SH2B1: variants seen among roughly 807,000 people sequenced by gnomAD.
The protein encoded by SH2B1 is SH2B adaptor protein 1.
SH2B1 carries 15 observed loss-of-function variants against 62.6 expected under a neutral mutation model. The ratio of observed to expected loss-of-function variants is 0.24; its 90% confidence interval spans 0.16 to 0.37. SH2B1 has a LOEUF of 0.37. Ranked by LOEUF, SH2B1 falls within the 10% of genes least tolerant of loss-of-function variation. SH2B1 has a pLI of 1.00. For missense variants in SH2B1, 925 were observed against 1,015.6 expected (o/e 0.91, Z 1.21); for synonymous variants, 443 against 438.0 (o/e 1.01, Z -0.14).
intron 1 of SH2B1, among the ~76,000 whole-genome samples, chr16:28,854,968 T>C (rs1962286936): frequency 2.0e-5 from 3 of 151,948 alleles, no homozygotes; most frequent in Admixed American, 2.0e-4. Flanking sequence ...CTCCATCTCC[T>C]GGGTTCAAGC....
chr16:28,855,237 T>G (rs144917016), intron 1 of SH2B1, among the ~76,000 whole-genome samples: 54 of 151,600 alleles, frequency 3.6e-4, no homozygotes, highest in African/African-American at 1.1e-3. Context: ...TTTTAATTGT[T>G]GAGACAGAAT....
Position 28,864,021 on chromosome 16 carries a change from T to G in SH2B1, c.-2074T>G. On this transcript the variant is annotated 5_prime_UTR_variant, in exon 1 of 8. Coordinates refer to ENST00000684370, the MANE Select transcript of SH2B1 (RefSeq NM_001387430.1). Reference sequence around the variant, plus strand: ...GACCCGGCCCTGGCGCCCGAGAGGATTCCTGGGTGGGGGTGGGCGTGGAGG... The same window carrying G: ...GACCCGGCCCTGGCGCCCGAGAGGAGTCCTGGGTGGGGGTGGGCGTGGAGG... The G allele has an allele frequency of 7.2e-7, 1 of 1,392,268 alleles. No individual in the cohort carries two copies. The highest frequency in any genetic ancestry group is 9.3e-7 in the Non-Finnish European group (1 of 1,073,750). The allele number at this position is 1,392,268 out of a possible 1,614,324, so 86.2% of individuals were successfully genotyped here. A position where few individuals can be genotyped will look rare whatever the true frequency, so the allele number is the denominator to read the frequency against.
At position 28,865,379 on chromosome 16, in the gene SH2B1, A is replaced by T. The variant is rs1010119596; in HGVS notation, c.-716A>T. Reference sequence around the variant, plus strand: ...ATCATGCATCCATCCTCATTAATGAATCGGCCCCCTCCAAAGAGTTGGACC... The same window carrying T: ...ATCATGCATCCATCCTCATTAATGATTCGGCCCCCTCCAAAGAGTTGGACC... On this transcript the variant is annotated 5_prime_UTR_variant, in exon 1 of 8. Transcript: ENST00000684370. 1.0e-6 allele frequency: 1 copy of T among 985,568 alleles called. No homozygotes were observed. The highest frequency in any genetic ancestry group is 1.2e-6 in the Non-Finnish European group (1 of 830,020). 61.1% of individuals were successfully genotyped at this position (985,568 alleles called of 1,614,324 possible).
At chr16:28,856,468 C>T (rs1962326438) in intron 1 of SH2B1, among the ~76,000 whole-genome samples, 1 of 152,094 alleles carries the variant, frequency 6.6e-6, no homozygotes, top group African/African-American at 2.4e-5. Context: ...ACTGTACCTT[C>T]TTGGCCCTCA....
intron 1 of SH2B1, among the ~76,000 whole-genome samples, chr16:28,855,651 T>TTTATTTATTTA (rs1197951596): frequency 1.8e-3 from 191 of 107,154 alleles, no homozygotes; most frequent in African/African-American, 6.0e-3. Context: ...TTATTTATTT[T>TTTATTTATTTA]TTTTTTGAGA....
Position 28,872,975 on chromosome 16 carries a change from A to G in SH2B1, c.1897+270A>G. The G allele has an allele frequency of 1.6e-6, 1 of 637,366 alleles. No individual in the cohort carries two copies. Among genetic ancestry groups the G allele is most frequent in the South Asian group, 1.9e-5 (1 of 51,918 alleles). 39.5% of individuals were successfully genotyped at this position (637,366 alleles called of 1,614,324 possible). On this transcript the variant is annotated intron_variant, in intron 7 of 7. Coordinates refer to ENST00000684370, the MANE Select transcript of SH2B1 (RefSeq NM_001387430.1). The surrounding 1 kb of genome is among the most constrained non-coding windows in gnomAD (Gnocchi z 5.3). ...CCCATTCCATCGGATCCTCTGTTCCATTGTCTGTCTGTCTCCTGGACCCAT... is the reference window on the plus strand; with the variant it reads ...CCCATTCCATCGGATCCTCTGTTCCGTTGTCTGTCTGTCTCCTGGACCCAT...
In SH2B1 at chr16:28,865,394, A is replaced by C. The variant is rs1567465932; in HGVS notation, c.-701A>C. 9.1e-6 allele frequency: 9 copies of C among 985,446 alleles called. No individual in the cohort carries two copies. The highest frequency in any genetic ancestry group is 1.1e-5 in the Non-Finnish European group (9 of 829,978). The allele number at this position is 985,446 out of a possible 1,614,324, so 61.0% of individuals were successfully genotyped here. On this transcript the variant is annotated 5_prime_UTR_variant, in exon 1 of 8. Coordinates refer to ENST00000684370, the MANE Select transcript of SH2B1 (RefSeq NM_001387430.1). ...TCATTAATGAATCGGCCCCCTCCAA[A>C]GAGTTGGACCCTAAGATGCGTGAGG... is the stretch of plus-strand genomic sequence containing the variant.
At position 28,872,374 on chromosome 16, in the gene SH2B1, C is replaced by T. The variant is rs1417513073; in HGVS notation, c.1698C>T (p.Leu566=). The T allele has an allele frequency of 3.7e-6, 6 of 1,609,732 alleles. No homozygotes were observed. Among genetic ancestry groups the T allele is most frequent in the East Asian group, 4.5e-5 (2 of 44,828 alleles). The change falls in exon 6 of 8, where the codon CTC becomes CTT. Residue 566 remains leucine, a synonymous_variant. Transcript: ENST00000684370. The surrounding 1 kb of genome is among the most constrained non-coding windows in gnomAD (Gnocchi z 5.3). ...QSETRRGEYV[L]TFNFQGKAKH... is the part of the protein sequence containing the mutation. ...AGACAAGGCGGGGTGAATACGTCCT[C>T]ACCTTCAACTTCCAGGGCAAGGCCA...
upstream of SH2B1, chr16:28,863,799 T>C: frequency 6.5e-7 from 1 of 1,535,326 alleles, no homozygotes; most frequent in South Asian, 1.2e-5. Flanking sequence ...TTCTCTATGG[T>C]CTCTTCCTTC....
chr16:28,872,842 G>C lies in SH2B1; in HGVS notation c.1897+137G>C, dbSNP rs1325041473. 1 of 1,170,432 alleles carries C rather than the reference G, an allele frequency of 8.5e-7. No individual in the cohort carries two copies. The highest frequency in any genetic ancestry group is 1.5e-5 in the African/African-American group (1 of 65,722). The allele number at this position is 1,170,432 out of a possible 1,614,324, so 72.5% of individuals were successfully genotyped here. A position where few individuals can be genotyped will look rare whatever the true frequency, so the allele number is the denominator to read the frequency against. Reference sequence around the variant, plus strand: ...TTGGGAGAGCAGGGTAGAGGAGGCTGTTGTGCCTCGGGGTTTGGAAGGGAA... The same window carrying C: ...TTGGGAGAGCAGGGTAGAGGAGGCTCTTGTGCCTCGGGGTTTGGAAGGGAA... On this transcript the variant is annotated intron_variant, in intron 7 of 7. Transcript: ENST00000684370. The surrounding 1 kb of genome is among the most constrained non-coding windows in gnomAD (Gnocchi z 5.3).
chr16:28,863,468 G>A, upstream of SH2B1: 1 of 534,722 alleles, frequency 1.9e-6, no homozygotes, highest in Non-Finnish European at 3.3e-6. Context: ...CTAGGCTGCA[G>A]CGGGCCGTTC....
At chr16:28,863,831 G>C (rs2152169902), upstream of SH2B1, 4 of 1,533,992 alleles carry the variant, frequency 2.6e-6, no homozygotes, top group Non-Finnish European at 3.5e-6. Flanking sequence ...AGGGGGTCCT[G>C]ACGCCTGCGC....
rs1962607196 is a variant in SH2B1, at chr16:28,864,996, A to G, written c.-1099A>G. On this transcript the variant is annotated 5_prime_UTR_variant, in exon 1 of 8. It adds an upstream start codon to the 5' untranslated region. Transcript: ENST00000684370. Reference sequence around the variant, plus strand: ...AGAGGACGTGGAATTTGTTCAAGATAACATCGCTCATAAGGTGGCTGGACT... The same window carrying G: ...AGAGGACGTGGAATTTGTTCAAGATGACATCGCTCATAAGGTGGCTGGACT... 3.0e-6 allele frequency: 2 copies of G among 673,992 alleles called. No homozygotes were observed. The highest frequency in any genetic ancestry group is 3.7e-6 in the Non-Finnish European group (2 of 545,858). The allele number at this position is 673,992 out of a possible 1,614,324, so 41.8% of individuals were successfully genotyped here. A position where few individuals can be genotyped will look rare whatever the true frequency, so the allele number is the denominator to read the frequency against.
chr16:28,872,607 T>C lies in SH2B1; in HGVS notation c.1799T>C (p.Met600Thr). The C allele has an allele frequency of 6.2e-7, 1 of 1,614,152 alleles. No homozygotes were observed. The highest frequency in any genetic ancestry group is 8.5e-7 in the Non-Finnish European group (1 of 1,180,014). ...QHLWFQSIFD[M>T]LEHFRVHPIP... ...CTGTGGTTCCAGTCCATTTTCGATATGCTCGAGCACTTCCGGGTGCACCCC... is the reference window on the plus strand; with the variant it reads ...CTGTGGTTCCAGTCCATTTTCGATACGCTCGAGCACTTCCGGGTGCACCCC... Residue 600 changes from methionine to threonine, a missense_variant, in exon 7 of 8, where the codon ATG becomes ACG. Met to Thr is a moderately conservative substitution (Grantham distance 81, BLOSUM62 -1). Around this residue, in one of 3 missense-constraint regions of SH2B1, gnomAD observed 57 missense variants for 122.1 expected, o/e 0.47. Transcript: ENST00000684370. This position sits in a 1 kb window ranked among gnomAD's most constrained non-coding sequence, Gnocchi z 5.3.
At chr16:28,863,670 G>A, upstream of SH2B1, 1 of 1,534,828 alleles carries the variant, frequency 6.5e-7, no homozygotes, top group South Asian at 1.2e-5. Flanking sequence ...GCTTTTAGGT[G>A]CAACTGGAGA....
rs757127519 is a variant in SH2B1 at position 28,867,420 on chromosome 16, G to A, written c.1029G>A (p.Thr343=). Residue 343 remains threonine, a synonymous_variant, in exon 2 of 8, where the codon ACG becomes ACA. Transcript: ENST00000684370. ...TGGAGATGCCTGACCGGGAGAACACGTTTGTGGTTAAGGTAGGAATTCAAC... is the reference window on the plus strand; with the variant it reads ...TGGAGATGCCTGACCGGGAGAACACATTTGTGGTTAAGGTAGGAATTCAAC... ...TALEMPDREN[T]FVVKVEGPSE... is the part of the protein sequence containing the mutation. 70 of 1,613,400 alleles carry A rather than the reference G, an allele frequency of 4.3e-5. No individual in the cohort carries two copies. The highest frequency in any genetic ancestry group is 2.7e-4 in the South Asian group (25 of 91,080).
intron 4 of SH2B1, among the ~76,000 whole-genome samples, chr16:28,870,995 G>GTA (rs1491267097): frequency 3.6e-5 from 1 of 28,100 alleles, no homozygotes; most frequent in Non-Finnish European, 5.9e-5. Context: ...CCAGAATTCC[G>GTA]TGTGTGTGTG....
chr16:28,856,110 C>CAAAAA (rs56267263), intron 1 of SH2B1, among the ~76,000 whole-genome samples: 2 of 134,968 alleles, frequency 1.5e-5, no homozygotes, highest in Admixed American at 1.5e-4. Flanking sequence ...ACTAAAAATA[C>CAAAAA]AAAAAAAAAA....
rs1382044122 is a variant in SH2B1, at chr16:28,852,928, T to A, written c.-301+6101T>A. On this transcript the variant is annotated intron_variant, in intron 1 of 10. Transcript: ENST00000322610. ...TATATACATGTACATATATATATTT[T>A]TATATATATGTACATATATATTTTA... Among the ~76,000 whole-genome samples the A allele has an allele frequency of 2.5e-3, 153 of 60,836 alleles. 15 individuals carry two copies. The highest frequency in any genetic ancestry group is 0.031 in the Middle Eastern group (2 of 64). The allele number at this position is 60,836 out of a possible 152,430, so 39.9% of individuals were successfully genotyped here. A position where few individuals can be genotyped will look rare whatever the true frequency, so the allele number is the denominator to read the frequency against.
Sources: allele counts gnomAD v4.1 joint callset (sites outside exome capture counted in the v4.1 genomes callset), GRCh38; gene constraint gnomAD v4.1.1; regional missense constraint gnomAD v4.1.1; non-coding constraint Gnocchi (gnomAD v3.1); transcripts MANE v1.5; gene names NCBI Gene and HGNC (gene_info 2026-07-23, HGNC 2026-07-21).